TAFA5: variants seen among roughly 807,000 people sequenced by gnomAD.
TAFA5 encodes chemokine-like protein TAFA-5.
TAFA5 carries 6 observed loss-of-function variants against 15.3 expected under a neutral mutation model. The ratio of observed to expected loss-of-function variants is 0.39; its 90% CI spans 0.21 to 0.77. The LOEUF (loss-of-function observed/expected upper bound fraction) is 0.77, where lower values mean the gene tolerates loss of function less well. Ranked by LOEUF, TAFA5 falls within the 30% of genes least tolerant of loss-of-function variation. TAFA5 has a pLI of 0.41. For missense variants in TAFA5, 161 were observed against 193.1 expected (o/e 0.83, Z 0.98); for synonymous variants, 103 against 80.7 (o/e 1.28, Z -1.48).
At chr22:48,647,282 C>T (rs1192467531) in intron 2 of TAFA5, among the ~76,000 whole-genome samples, 1 of 152,180 alleles carries the variant, frequency 6.6e-6, no homozygotes, top group Non-Finnish European at 1.5e-5. Flanking sequence ...TGACCCCCGG[C>T]CCCTAGAAGT....
At chr22:48,504,279 T>C (rs898090412) in intron 1 of TAFA5, among the ~76,000 whole-genome samples, 2 of 152,126 alleles carry the variant, frequency 1.3e-5, no homozygotes, top group African/African-American at 2.4e-5. Context: ...CTTAGGTGCA[T>C]GTGTTTCCAT....
intron 3 of TAFA5, among the ~76,000 whole-genome samples, chr22:48,743,500 A>G (rs1930240920): frequency 6.6e-6 from 1 of 152,182 alleles, no homozygotes. Context: ...ATGCACAGGT[A>G]TGGGGTCAGG....
At chr22:48,654,490 G>T (rs1927167649) in intron 2 of TAFA5, among the ~76,000 whole-genome samples, 1 of 152,224 alleles carries the variant, frequency 6.6e-6, no homozygotes, top group South Asian at 2.1e-4. Context: ...TGCTCCACAA[G>T]GCCCCCACTC....
chr22:48,566,792 G>A lies in TAFA5; in HGVS notation c.112+77088G>A, dbSNP rs576509780. Among the ~76,000 whole-genome samples the A allele has an allele frequency of 3.3e-5, 5 of 152,338 alleles. No homozygotes were observed. The South Asian group carries it at 1.0e-3, about 32-fold the overall frequency. ...TGATCATGCTCTCCTCCTTTTGCCT[G>A]TGTCCTCCTTGGAAGCATTTTTCAA... On this transcript the variant is annotated intron_variant, in intron 1 of 3. Coordinates refer to ENST00000402357, the MANE Select transcript of TAFA5 (RefSeq NM_001082967.3). This position sits in a 1 kb window ranked among gnomAD's most constrained non-coding sequence, Gnocchi z 4.5.
chr22:48,508,798 T>C (rs771416583), intron 1 of TAFA5, among the ~76,000 whole-genome samples: 26 of 152,374 alleles, frequency 1.7e-4, no homozygotes, highest in Middle Eastern at 3.4e-3. Context: ...CGCCTCAACA[T>C]TGATCATTTC....
intron 2 of TAFA5, among the ~76,000 whole-genome samples, chr22:48,678,673 G>A (rs1454675570): frequency 6.6e-6 from 1 of 151,850 alleles, no homozygotes; most frequent in Non-Finnish European, 1.5e-5. Context: ...CAGGACGGAA[G>A]CCCTGCGCTC....
chr22:48,735,040 G>T (rs1328630547), intron 3 of TAFA5, among the ~76,000 whole-genome samples: 2 of 152,226 alleles, frequency 1.3e-5, no homozygotes, highest in Non-Finnish European at 2.9e-5. Context: ...GACAGCAAAC[G>T]CCTGACCCTG....
chr22:48,729,683 GTTTATA>G (rs938584108), intron 3 of TAFA5, among the ~76,000 whole-genome samples: 32 of 145,548 alleles, frequency 2.2e-4, no homozygotes, highest in African/African-American at 8.0e-4. Flanking sequence ...AAATTTATAA[GTTTATA>G]TTTAAATTTA....
At position 48,639,291 on chromosome 22, in the gene TAFA5, G is replaced by A. The variant is rs887117289; in HGVS notation, c.113-7306G>A. On this transcript the variant is annotated intron_variant, in intron 1 of 3. Coordinates refer to ENST00000402357, the MANE Select transcript of TAFA5 (RefSeq NM_001082967.3). ...GGCCGCCCCCTGCCCTCAGGCCTGC[G>A]GGGCCCCTCAGCTGCACCTTGTTTT... Among the ~76,000 whole-genome samples, 5 of 152,222 alleles carry A rather than the reference G, an allele frequency of 3.3e-5. No homozygotes were observed. In the South Asian group the frequency reaches 6.2e-4, roughly 19 times the overall value.
chr22:48,639,426 C>T (rs1268839212), intron 1 of TAFA5, among the ~76,000 whole-genome samples: 1 of 152,256 alleles, frequency 6.6e-6, no homozygotes, highest in Non-Finnish European at 1.5e-5. Flanking sequence ...TCACATCAGA[C>T]ATCCTCCCAG....
chr22:48,539,120 G>C (rs956360526), intron 1 of TAFA5: 1 of 269,104 alleles, frequency 3.7e-6, no homozygotes, highest in African/African-American at 2.2e-5. Flanking sequence ...GGGGAGAGAA[G>C]TATCCTGGGG....
intron 1 of TAFA5, among the ~76,000 whole-genome samples, chr22:48,542,807 A>C (rs1253530564): frequency 4.4e-5 from 4 of 90,546 alleles, no homozygotes. Context: ...ACAGTGTGTG[A>C]TGTGTATGGT....
At chr22:48,580,078 G>T (rs1923977987) in intron 1 of TAFA5, among the ~76,000 whole-genome samples, 1 of 152,164 alleles carries the variant, frequency 6.6e-6, no homozygotes, top group South Asian at 2.1e-4. Context: ...GGTGTACCCG[G>T]GCCTCGATTC....
intron 3 of TAFA5, among the ~76,000 whole-genome samples, chr22:48,722,558 G>C (rs1929600227): frequency 6.6e-6 from 1 of 152,146 alleles, no homozygotes; most frequent in African/African-American, 2.4e-5. Context: ...GGCCTGTCGG[G>C]GTGGGGGGCT....
rs1168005109 is a variant in TAFA5 at position 48,566,350 on chromosome 22, G to A, written c.112+76646G>A. On this transcript the variant is annotated intron_variant, in intron 1 of 3. Coordinates refer to ENST00000402357, the MANE Select transcript of TAFA5 (RefSeq NM_001082967.3). The surrounding 1 kb of genome is among the most constrained non-coding windows in gnomAD (Gnocchi z 4.5). Reference sequence around the variant, plus strand: ...ACGATGGGTGGATGATGAATGGATGGTGATGGGTGGACGGATGGTGGATGG... The same window carrying A: ...ACGATGGGTGGATGATGAATGGATGATGATGGGTGGACGGATGGTGGATGG... Among the ~76,000 whole-genome samples the A allele has an allele frequency of 6.6e-6, 1 of 151,752 alleles. No homozygotes were observed. The highest frequency in any genetic ancestry group is 1.5e-5 in the Non-Finnish European group (1 of 67,940).
chr22:48,586,164 C>A (rs113248295), intron 1 of TAFA5, among the ~76,000 whole-genome samples: 3 of 152,374 alleles, frequency 2.0e-5, no homozygotes, highest in African/African-American at 7.2e-5. Context: ...GCAAGTGTGG[C>A]CCAGTGAGGT....
intron 1 of TAFA5, among the ~76,000 whole-genome samples, chr22:48,620,662 C>CTATCCACCCCCCCACCATCTCCCATCCT (rs1323518938): frequency 4.2e-5 from 3 of 71,928 alleles, no homozygotes; most frequent in African/African-American, 1.1e-4. Context: ...ATCCACCATC[C>CTATCCACCCCCCCACCATCTCCCATCCT]ATCCACCACC....
intron 2 of TAFA5, among the ~76,000 whole-genome samples, chr22:48,691,728 G>A (rs1259134854): frequency 6.6e-6 from 1 of 152,260 alleles, no homozygotes; most frequent in Non-Finnish European, 1.5e-5. Flanking sequence ...CTGCTCAGGA[G>A]GAAGGCCAGG....
chr22:48,491,293 A>T (rs1395431738), intron 1 of TAFA5, among the ~76,000 whole-genome samples: 1 of 152,070 alleles, frequency 6.6e-6, no homozygotes, highest in East Asian at 1.9e-4. Context: ...TTCCTAGGAG[A>T]TGTAGAAAGG....
Sources: allele counts gnomAD v4.1 joint callset (sites outside exome capture counted in the v4.1 genomes callset), GRCh38; gene constraint gnomAD v4.1.1; non-coding constraint Gnocchi (gnomAD v3.1); transcripts MANE v1.5; gene names NCBI Gene and HGNC (gene_info 2026-07-23, HGNC 2026-07-21).